AGAP2: variants seen among roughly 807,000 people sequenced by gnomAD.
AGAP2 encodes the protein ArfGAP with GTPase domain, ankyrin repeat and PH domain 2.
Under a neutral mutation model 110.9 loss-of-function variants are expected in AGAP2, and 32 were observed. The ratio of observed to expected loss-of-function variants is 0.29; its 90% CI spans 0.22 to 0.39. AGAP2 has a LOEUF of 0.39. AGAP2 is among the 10% of genes least tolerant of loss of function. AGAP2 has a pLI of 1.00. For missense variants in AGAP2, 1,285 were observed against 1,638.5 expected, an observed-to-expected ratio of 0.78 and a Z score of 3.72; for synonymous variants, 702 against 713.0, an observed-to-expected ratio of 0.98 and a Z score of 0.25.
In AGAP2 at chr12:57,738,537, G is replaced by C. The variant is rs952261217; in HGVS notation, c.-291C>G. Among the ~76,000 whole-genome samples, 9 of 151,876 alleles carry C rather than the reference G, an allele frequency of 5.9e-5. No homozygotes were observed. Among genetic ancestry groups the C allele is most frequent in the African/African-American group, 1.9e-4 (8 of 41,372 alleles). On this transcript the variant is annotated 5_prime_UTR_variant, in exon 1 of 19. Transcript: ENST00000547588. The surrounding 1 kb of genome is among the most constrained non-coding windows in gnomAD (Gnocchi z 6.7). The stretch of plus-strand genomic sequence containing the variant: ...CCGGACCGTCCACCCCGGCCTGGGT[G>C]GGGGCGCTGAGATGGGTGGGGGAGG...
chr12:57,740,420 A>T (rs1020412636), upstream of AGAP2, among the ~76,000 whole-genome samples: 1 of 152,124 alleles, frequency 6.6e-6, no homozygotes, highest in East Asian at 1.9e-4. Flanking sequence ...TCTGGCTTAA[A>T]CTTCCCTCCT....
chr12:57,732,631 G>A, intron 6 of AGAP2, 119 bp from the exon 7 acceptor site: 1 of 1,273,044 alleles, frequency 7.9e-7, no homozygotes, highest in Non-Finnish European at 1.1e-6. Flanking sequence ...TGTCACTGTG[G>A]CCTCCATGCC....
intron 1 of AGAP2, among the ~76,000 whole-genome samples, chr12:57,735,825 G>A (rs1292191487): frequency 1.3e-5 from 2 of 152,178 alleles, no homozygotes; most frequent in Non-Finnish European, 2.9e-5. Flanking sequence ...ACCCTGGGAG[G>A]AGGTGCTGAA....
In AGAP2 at chr12:57,727,130, G is replaced by T. The variant is rs148139537; in HGVS notation, c.3180C>A (p.Ala1060=). The T allele has an allele frequency of 6.2e-7, 1 of 1,601,122 alleles. No individual in the cohort carries two copies. Among genetic ancestry groups the T allele is most frequent in the South Asian group, 1.1e-5 (1 of 89,636 alleles). ...TAGCCACGTCCTGGGCCTGCACGGC[G>T]GCCCACAGCTGGCGGCCCAGCGGCT... ...SEEPLGRQLW[A]AVQAQDVATV... The change falls in exon 18 of 19, where the codon GCC becomes GCA. Residue 1060 remains alanine, a synonymous_variant. Transcript: ENST00000547588.
In AGAP2 at chr12:57,726,319, G is replaced by A; in HGVS notation, c.*233C>T. 1 of 294,246 alleles carries A rather than the reference G, an allele frequency of 3.4e-6. No homozygotes were observed. The highest frequency in any genetic ancestry group is 6.0e-6 in the Non-Finnish European group (1 of 167,218). The allele number at this position is 294,246 out of a possible 1,614,324, so 18.2% of individuals were successfully genotyped here. A position where few individuals can be genotyped will look rare whatever the true frequency, so the allele number is the denominator to read the frequency against. On this transcript the variant is annotated 3_prime_UTR_variant, in exon 19 of 19. Coordinates refer to ENST00000547588, the MANE Select transcript of AGAP2 (RefSeq NM_001122772.3). The surrounding 1 kb of genome is among the most constrained non-coding windows in gnomAD (Gnocchi z 5.7). The stretch of plus-strand genomic sequence containing the variant: ...GTAGACCCAGAGCAATCCGAGTGTG[G>A]AAACAATGGAGAGGGGGCGTGTTGA...
In AGAP2 at chr12:57,738,642, C is replaced by G. The variant is rs2140369754; in HGVS notation, c.-396G>C. ...AAAGGGGACCGGAGGCTAGGGGAAA[C>G]GAACCTGTGCGGGGGAGGCAGGGGC... On this transcript the variant is annotated 5_prime_UTR_variant, in exon 1 of 19. Transcript: ENST00000547588. The surrounding 1 kb of genome is among the most constrained non-coding windows in gnomAD (Gnocchi z 6.7). Among the ~76,000 whole-genome samples, 2 of 151,330 alleles carry G rather than the reference C, an allele frequency of 1.3e-5. No individual in the cohort carries two copies. Among genetic ancestry groups the G allele is most frequent in the African/African-American group, 4.9e-5 (2 of 41,118 alleles).
rs1954891028 is a variant in AGAP2, at chr12:57,731,820, T to C, written c.1942A>G (p.Ser648Gly). The C allele has an allele frequency of 6.3e-7, 1 of 1,575,074 alleles. No homozygotes were observed. The highest frequency in any genetic ancestry group is 8.6e-7 in the Non-Finnish European group (1 of 1,160,572). Residue 648 changes from serine (S) to glycine (G), a missense_variant, in exon 8 of 19, where the codon AGC (serine) becomes GGC (glycine). By Grantham distance (56) the Ser-to-Gly change is moderately conservative. This residue lies in a region of AGAP2 where 844 missense variants were observed against 941.2 expected (regional missense o/e 0.90). Coordinates refer to ENST00000547588, the MANE Select transcript of AGAP2 (RefSeq NM_001122772.3). The part of the protein sequence containing the change: ...SLHRAAKRRT[S>G]LFANRRGSDS... ...TCCATGTCCAATACCGCAAAAAGGCTGGTCCTGCGCTTGGCTGCCCGGTGC... is the reference window on the plus strand; with the variant it reads ...TCCATGTCCAATACCGCAAAAAGGCCGGTCCTGCGCTTGGCTGCCCGGTGC...
chr12:57,727,926 C>T lies in AGAP2; in HGVS notation c.2766+11G>A. The T allele has an allele frequency of 6.2e-7, 1 of 1,613,746 alleles. No individual in the cohort carries two copies. Among genetic ancestry groups the T allele is most frequent in the Admixed American group, 1.7e-5 (1 of 60,020 alleles). ...CTGCGGCCAGTCCTCCACTCCACCT[C>T]AAACTCTTACCTTGACCTTGCTGCT... On this transcript the variant is annotated intron_variant, in intron 15 of 18. Transcript: ENST00000547588.
chr12:57,730,891 C>G lies in AGAP2; in HGVS notation c.2208G>C (p.Pro736=). The change falls in exon 11 of 19, where the codon CCG becomes CCC. Residue 736 remains proline, a synonymous_variant. Coordinates refer to ENST00000547588, the MANE Select transcript of AGAP2 (RefSeq NM_001122772.3). ...AGATGGCCCTCGGGGGCCGCTTGCC[C>G]GGGACTTTGACTGTTGTTCGCAGCA... ...MDLLRTTVKV[P]GKRPPRAISA... The G allele has an allele frequency of 3.7e-6, 6 of 1,605,136 alleles. No individual in the cohort carries two copies. Among genetic ancestry groups the G allele is most frequent in the Non-Finnish European group, 3.4e-6 (4 of 1,175,808 alleles).
At chr12:57,723,943 C>T (rs745865634), downstream of AGAP2, 1 of 152,152 alleles carries the variant, frequency 6.6e-6, no homozygotes, top group Non-Finnish European at 1.5e-5. Context: ...ACTTTGGCCA[C>T]GAGGAAGGAG....
At position 57,735,354 on chromosome 12, in the gene AGAP2, GA is replaced by G. The variant is rs1268547904; in HGVS notation, c.1227+14del. 4 of 1,613,528 alleles carry G rather than the reference GA, an allele frequency of 2.5e-6. No homozygotes were observed. The African/African-American group carries it at 5.3e-5, about 22-fold the overall frequency. On this transcript the variant is annotated intron_variant, in intron 2 of 18. Coordinates refer to ENST00000547588, the MANE Select transcript of AGAP2 (RefSeq NM_001122772.3). Reference sequence around the variant, plus strand: ...GGTCAGCCTTCCCTATAGGCAAGGGGACTGGGTTACCTACCAGGCGCAGTTC... The same window carrying G: ...GGTCAGCCTTCCCTATAGGCAAGGGGCTGGGTTACCTACCAGGCGCAGTTC...
At chr12:57,733,111 T>C in intron 5 of AGAP2, 132 bp from the exon 6 acceptor site, 1 of 1,193,514 alleles carries the variant, frequency 8.4e-7, no homozygotes, top group Non-Finnish European at 1.2e-6. Context: ...TCATCTTTTC[T>C]GTGACCAGGT....
chr12:57,731,033 A>G, intron 10 of AGAP2, 80 bp from the exon 11 acceptor site: 1 of 1,389,690 alleles, frequency 7.2e-7, no homozygotes, highest in African/African-American at 1.5e-5. Flanking sequence ...GGTACAGAAT[A>G]GAGAGGGACT....
intron 6 of AGAP2, 40 bp from the exon 7 acceptor site, chr12:57,732,552 T>C (rs1954907131): frequency 2.0e-6 from 3 of 1,530,710 alleles, no homozygotes; most frequent in African/African-American, 2.7e-5. Flanking sequence ...GCAGGCCAGA[T>C]ACCCAAGACC....
rs749737276 is a variant in AGAP2 at position 57,734,189 on chromosome 12, G to A, written c.1402-16C>T. On this transcript the variant is annotated splice_polypyrimidine_tract_variant and intron_variant, in intron 4 of 18. Transcript: ENST00000547588. ...AGCCTGAGAACTTGCGGGGAGTGAGGGAGCAAATGGAAAGTCAGACAGGTC... is the reference window on the plus strand; with the variant it reads ...AGCCTGAGAACTTGCGGGGAGTGAGAGAGCAAATGGAAAGTCAGACAGGTC... 2 of 1,603,964 alleles carry A rather than the reference G, an allele frequency of 1.2e-6. No homozygotes were observed. The highest frequency in any genetic ancestry group is 1.3e-5 in the African/African-American group (1 of 74,810).
Position 57,731,979 on chromosome 12 carries a change from T to C in AGAP2, c.1795-12A>G, listed in dbSNP as rs1311498880. 3.1e-6 allele frequency: 5 copies of C among 1,612,880 alleles called. No homozygotes were observed. Among genetic ancestry groups the C allele is most frequent in the Non-Finnish European group, 2.5e-6 (3 of 1,179,758 alleles). ...CCCCCGTTACTAGCCTGGGCACATA[T>C]GGAAGAGTCAGCAGAGCTGAGATGC... is the stretch of plus-strand genomic sequence containing the variant. On this transcript the variant is annotated splice_polypyrimidine_tract_variant and intron_variant, in intron 7 of 18. Transcript: ENST00000547588.
Position 57,727,081 on chromosome 12 carries a change from C to T in AGAP2, c.3229G>A (p.Ala1077Thr), listed in dbSNP as rs143732962. The T allele has an allele frequency of 5.6e-6, 9 of 1,595,436 alleles. No homozygotes were observed. Among genetic ancestry groups the T allele is most frequent in the Non-Finnish European group, 7.7e-6 (9 of 1,171,992 alleles). The change falls in exon 18 of 19, where the codon GCG becomes ACG. Residue 1077 changes from alanine to threonine, a missense_variant. Ala to Thr is a moderately conservative substitution (Grantham distance 58, BLOSUM62 0). This residue lies in a region of AGAP2 where 201 missense variants were observed against 276.1 expected (regional missense o/e 0.73). Coordinates refer to ENST00000547588, the MANE Select transcript of AGAP2 (RefSeq NM_001122772.3). Reference sequence around the variant, plus strand: ...CTGGTGTCGAGCGGCCCGTGTCGCGCATGGGCCAAAAGCAGGAGAACGGTA... The same window carrying T: ...CTGGTGTCGAGCGGCCCGTGTCGCGTATGGGCCAAAAGCAGGAGAACGGTA... The part of the protein sequence containing the change: ...VATVLLLLAH[A>T]RHGPLDTSVE...
intron 12 of AGAP2, among the ~76,000 whole-genome samples, chr12:57,730,122 A>T (rs74096621): frequency 2.9e-3 from 369 of 125,462 alleles, no homozygotes; most frequent in African/African-American, 9.7e-3. Flanking sequence ...CTATATATAT[A>T]TATTTTTTTT....
upstream of AGAP2, among the ~76,000 whole-genome samples, chr12:57,741,297 G>T (rs867929960): frequency 9.2e-5 from 14 of 152,140 alleles, no homozygotes; most frequent in African/African-American, 2.7e-4. Context: ...GAAGGTGTGT[G>T]GGGGGAAGAC....
Sources: allele counts gnomAD v4.1 joint callset (sites outside exome capture counted in the v4.1 genomes callset), GRCh38; gene constraint gnomAD v4.1.1; regional missense constraint gnomAD v4.1.1; non-coding constraint Gnocchi (gnomAD v3.1); transcripts MANE v1.5; gene names NCBI Gene and HGNC (gene_info 2026-07-23, HGNC 2026-07-21).